The following DLG2 variants were observed in gnomAD, a reference collection of about 807,000 sequenced individuals.
DLG2 encodes disks large homolog 2.
A neutral mutation model predicts 132.5 loss-of-function variants in DLG2; 45 were observed. That is an observed-to-expected ratio of 0.34 (90% confidence interval 0.27 to 0.44). The LOEUF (loss-of-function observed/expected upper bound fraction) is 0.44. DLG2 is among the 20% of genes least tolerant of loss of function. The pLI is 1.00. For missense variants in DLG2, 1,045 were observed against 1,196.9 expected (o/e 0.87, Z 1.87); for synonymous variants, 424 against 419.6 (o/e 1.01, Z -0.13).
chr11:83,760,897 T>C (rs2093877426), intron 18 of DLG2, among the ~76,000 whole-genome samples: 1 of 152,204 alleles, frequency 6.6e-6, no homozygotes, highest in Admixed American at 6.5e-5. Context: ...ATGGGTTGTC[T>C]CTATAAAAAT....
chr11:84,565,140 G>T lies in DLG2; in HGVS notation c.358-30409C>A, dbSNP rs867717842. ...AAAATATTTTCATTTATATTTTAGT[G>T]GAATTAAAAGAACATGTAAGTGACC... On this transcript the variant is annotated intron_variant, in intron 6 of 27. Transcript: ENST00000376104. 2.0e-5 allele frequency among the ~76,000 whole-genome samples: 3 copies of T among 152,038 alleles called. No homozygotes were observed. In the South Asian group the frequency reaches 6.2e-4, roughly 32 times the overall value.
chr11:84,337,741 G>C (rs938538095), intron 7 of DLG2, among the ~76,000 whole-genome samples: 2 of 152,068 alleles, frequency 1.3e-5, no homozygotes, highest in Non-Finnish European at 2.9e-5. Context: ...TCTGAGGCTT[G>C]GGGGCAATTA....
chr11:83,746,467 C>T (rs1479896302), intron 18 of DLG2, among the ~76,000 whole-genome samples: 2 of 151,922 alleles, frequency 1.3e-5, no homozygotes, highest in African/African-American at 4.8e-5. Context: ...CTCAGCAAAC[C>T]ATTGCAAGGA....
intron 6 of DLG2, among the ~76,000 whole-genome samples, chr11:84,847,009 T>C (rs2081556027): frequency 6.6e-6 from 1 of 152,150 alleles, no homozygotes; most frequent in African/African-American, 2.4e-5. Flanking sequence ...ATTTGAATAC[T>C]GTCAATTTAG....
At chr11:84,579,389 T>TA (rs1210373432) in intron 6 of DLG2, among the ~76,000 whole-genome samples, 2 of 152,096 alleles carry the variant, frequency 1.3e-5, no homozygotes, top group Non-Finnish European at 2.9e-5. Flanking sequence ...TGAGAAGCAG[T>TA]AAAAAAACTA....
chr11:83,832,345 T>C (rs1179033788), intron 17 of DLG2, among the ~76,000 whole-genome samples: 2 of 152,232 alleles, frequency 1.3e-5, no homozygotes, highest in African/African-American at 2.4e-5. Context: ...TGGTTTCATG[T>C]GTGCATACAT....
At position 84,214,262 on chromosome 11, in the gene DLG2, A is replaced by AATATATATATATACATATATATGAAT. The variant is rs200249136; in HGVS notation, c.573+36975_573+36976insATTCATATATATGTATATATATATAT. 5.5e-4 allele frequency among the ~76,000 whole-genome samples: 71 copies of AATATATATATATACATATATATGAAT among 128,782 alleles called. 5 individuals are homozygous for AATATATATATATACATATATATGAAT. The highest frequency in any genetic ancestry group is 2.9e-3 in the African/African-American group (68 of 23,122). 84.5% of individuals were successfully genotyped at this position (128,782 alleles called of 152,430 possible). ...ATGAATATATATATACATATATATG[A>AATATATATATATACATATATATGAAT]ATATATATACACATATATGAATATA... On this transcript the variant is annotated intron_variant, in intron 8 of 27. Transcript: ENST00000376104.
chr11:83,986,601 T>C (rs1366276329), intron 11 of DLG2, among the ~76,000 whole-genome samples: 7 of 151,656 alleles, frequency 4.6e-5, no homozygotes, highest in African/African-American at 1.7e-4. Context: ...GGTCAAATGG[T>C]ATTTCTAGTT....
intron 3 of DLG2, among the ~76,000 whole-genome samples, chr11:85,392,613 A>G (rs1201228228): frequency 6.6e-6 from 1 of 152,156 alleles, no homozygotes; most frequent in Non-Finnish European, 1.5e-5. Context: ...GTATTGGTAT[A>G]AAAACAGGCA....
chr11:85,152,038 C>G (rs915053230), intron 5 of DLG2, among the ~76,000 whole-genome samples: 1 of 152,060 alleles, frequency 6.6e-6, no homozygotes, highest in Non-Finnish European at 1.5e-5. Context: ...TTCTAAATAT[C>G]AGAAAGAACA....
At chr11:84,526,671 T>C (rs925421814) in intron 7 of DLG2, among the ~76,000 whole-genome samples, 2 of 152,102 alleles carry the variant, frequency 1.3e-5, no homozygotes, top group Non-Finnish European at 1.5e-5. Context: ...CTGAGCCTAA[T>C]TTATAAATTT....
rs922433764 is a variant in DLG2 at position 83,904,659 on chromosome 11, C to CT, written c.1496+25668dup. Among the ~76,000 whole-genome samples, 82 of 145,898 alleles carry CT rather than the reference C, an allele frequency of 5.6e-4. 1 individual carries two copies. Among genetic ancestry groups the CT allele is most frequent in the East Asian group, 9.9e-4 (5 of 5,046 alleles). On this transcript the variant is annotated intron_variant, in intron 15 of 27. Coordinates refer to ENST00000376104, the MANE Select transcript of DLG2 (RefSeq NM_001142699.3). ...TCTCTGGAACTAGTTCTTTTGTTTA[C>CT]TTTTTTTTTTTAACCATCCATCATA...
intron 8 of DLG2, among the ~76,000 whole-genome samples, chr11:84,202,988 A>G (rs944356134): frequency 6.6e-6 from 1 of 152,232 alleles, no homozygotes; most frequent in Admixed American, 6.5e-5. Context: ...GTTATGGAGA[A>G]AAAGGAAAGC....
At position 83,762,582 on chromosome 11, in the gene DLG2, A is replaced by ATT. The variant is rs57587143; in HGVS notation, c.1825+24106_1825+24107dup. 1.4e-4 allele frequency among the ~76,000 whole-genome samples: 20 copies of ATT among 143,878 alleles called. No individual in the cohort carries two copies. In the South Asian group the frequency reaches 2.5e-3, roughly 18 times the overall value. 94.4% of individuals were successfully genotyped at this position (143,878 alleles called of 152,430 possible). On this transcript the variant is annotated intron_variant, in intron 18 of 27. Transcript: ENST00000376104. ...ACCTAAGTGTTGAGATTAAGTATTA[A>ATT]TTTTTTTTTTTTTTTTGAGACGGAG...
chr11:84,084,004 T>C (rs916974815), intron 10 of DLG2, among the ~76,000 whole-genome samples: 1 of 152,118 alleles, frequency 6.6e-6, no homozygotes, highest in African/African-American at 2.4e-5. Context: ...AATCAGGAAT[T>C]CCTTGACCAG....
At chr11:84,779,737 T>C (rs2071370533) in intron 6 of DLG2, among the ~76,000 whole-genome samples, 1 of 152,136 alleles carries the variant, frequency 6.6e-6, no homozygotes, top group Non-Finnish European at 1.5e-5. Context: ...CATCAGAGAC[T>C]ATTATGAACA....
intron 6 of DLG2, among the ~76,000 whole-genome samples, chr11:84,866,125 T>C (rs1298492948): frequency 6.6e-6 from 1 of 152,158 alleles, no homozygotes; most frequent in Non-Finnish European, 1.5e-5. Flanking sequence ...GCCAGGGTAA[T>C]CTCAAATTTC....
rs150530730 is a variant in DLG2 at position 84,312,234 on chromosome 11, G to A, written c.520-60943C>T. ...CACTTGTAATCCCAACACTTTGGGA[G>A]GCTGAGGCGGGCAGATCACAGGTCA... On this transcript the variant is annotated intron_variant, in intron 7 of 27. Coordinates refer to ENST00000376104, the MANE Select transcript of DLG2 (RefSeq NM_001142699.3). 3.6e-3 allele frequency among the ~76,000 whole-genome samples: 531 copies of A among 149,452 alleles called. 2 individuals carry two copies. The highest frequency in any genetic ancestry group is 5.2e-3 in the Admixed American group (79 of 15,108).
chr11:84,731,799 G>A (rs952167161), intron 6 of DLG2, among the ~76,000 whole-genome samples: 1 of 151,888 alleles, frequency 6.6e-6, no homozygotes, highest in Non-Finnish European at 1.5e-5. Flanking sequence ...AAAATAAACT[G>A]GAAATATTTA....
Sources: allele counts gnomAD v4.1 joint callset (sites outside exome capture counted in the v4.1 genomes callset), GRCh38; gene constraint gnomAD v4.1.1; transcripts MANE v1.5; gene names NCBI Gene and HGNC (gene_info 2026-07-23, HGNC 2026-07-21).